The following MMP17 variants were observed in gnomAD, a reference collection of about 807,000 sequenced individuals.
MMP17 encodes matrix metalloproteinase-17.
Under a neutral mutation model 49.1 loss-of-function variants are expected in MMP17, and 54 were observed. The observed-to-expected ratio is 1.10, with a 90% CI of 0.88 to 1.38. MMP17 has a LOEUF of 1.38. Among genes scored for constraint, MMP17 ranks in the 40% most tolerant of loss-of-function variants. The pLI is 0.00. For missense variants in MMP17, 837 were observed against 853.7 expected, an observed-to-expected ratio of 0.98 and a Z score of 0.24; for synonymous variants, 397 against 383.1, an observed-to-expected ratio of 1.04 and a Z score of -0.42.
intron 4 of MMP17, among the ~76,000 whole-genome samples, chr12:131,841,270 G>A (rs112408813): frequency 5.4e-4 from 83 of 152,354 alleles, no homozygotes; most frequent in African/African-American, 1.9e-3. Context: ...GGCCCGTCTT[G>A]TGGGGCCAGG....
intron 8 of MMP17, among the ~76,000 whole-genome samples, chr12:131,849,100 C>T (rs533419384): frequency 2.6e-5 from 4 of 152,248 alleles, no homozygotes; most frequent in South Asian, 2.1e-4. Context: ...ACAGTGGGGG[C>T]GAGGGGGCGT....
At position 131,841,730 on chromosome 12, in the gene MMP17, G is replaced by A; in HGVS notation, c.813G>A (p.Gln271=). The change falls in exon 5 of 10, where the codon CAG becomes CAA. Residue 271 remains glutamine, a synonymous_variant. Coordinates refer to ENST00000360564, the MANE Select transcript of MMP17 (RefSeq NM_016155.7). ...ACTCCATCATGCGGCCGTACTACCA[G>A]GGCCCGGTGGGTGACCCGCTGCGCT... ...AAHSIMRPYY[Q]GPVGDPLRYG... The A allele has an allele frequency of 6.2e-7, 1 of 1,613,604 alleles. No individual in the cohort carries two copies. The highest frequency in any genetic ancestry group is 8.5e-7 in the Non-Finnish European group (1 of 1,179,924).
In MMP17 at chr12:131,850,995, G is replaced by T; in HGVS notation, c.1533G>T (p.Gly511=). The T allele has an allele frequency of 6.4e-7, 1 of 1,571,864 alleles. No individual in the cohort carries two copies. Residue 511 remains glycine (G), a synonymous_variant, in exon 10 of 10, where the codon GGG becomes GGT. Transcript: ENST00000360564. Reference sequence around the variant, plus strand: ...ATGGCGAGCTGGAGGTGGCACCCGGGTACCCACAGTCCACGGCCCGGGACT... The same window carrying T: ...ATGGCGAGCTGGAGGTGGCACCCGGTTACCCACAGTCCACGGCCCGGGACT... ...VLDGELEVAP[G]YPQSTARDWL...
At chr12:131,834,205 C>A (rs1886961200) in intron 1 of MMP17, among the ~76,000 whole-genome samples, 1 of 152,204 alleles carries the variant, frequency 6.6e-6, no homozygotes, top group African/African-American at 2.4e-5. Flanking sequence ...CTAGGCAGCT[C>A]CAGAAATCAG....
intron 3 of MMP17, among the ~76,000 whole-genome samples, chr12:131,839,384 C>T (rs1887265179): frequency 1.3e-5 from 2 of 152,048 alleles, no homozygotes; most frequent in East Asian, 1.9e-4. Context: ...GCAGTCACAG[C>T]TCACTGTGGC....
intron 8 of MMP17, among the ~76,000 whole-genome samples, chr12:131,849,083 G>T (rs1459780009): frequency 6.6e-6 from 1 of 152,188 alleles, no homozygotes; most frequent in South Asian, 2.1e-4. Flanking sequence ...GACTTTCCAC[G>T]TTCTTGACAG....
intron 3 of MMP17, chr12:131,840,307 G>C: frequency 2.3e-6 from 1 of 443,342 alleles, no homozygotes; most frequent in Non-Finnish European, 4.1e-6. Flanking sequence ...GGGGCTGATG[G>C]CTCCACGCGG....
chr12:131,844,315 G>T, intron 6 of MMP17: 1 of 536,586 alleles, frequency 1.9e-6, no homozygotes, highest in Non-Finnish European at 3.3e-6. Context: ...TCTCCCCCTC[G>T]TCCCTGTCAG....
In MMP17 at chr12:131,851,046, C is replaced by A; in HGVS notation, c.1584C>A (p.Ala528=). 1 of 1,609,186 alleles carries A rather than the reference C, an allele frequency of 6.2e-7. No homozygotes were observed. The highest frequency in any genetic ancestry group is 8.5e-7 in the Non-Finnish European group (1 of 1,178,246). The change falls in exon 10 of 10, where the codon GCC becomes GCA. Residue 528 remains alanine (A), a synonymous_variant. Coordinates refer to ENST00000360564, the MANE Select transcript of MMP17 (RefSeq NM_016155.7). ...RDWLVCGDSQ[A]DGSVAAGVDA... ...GGCTGGTGTGTGGAGACTCACAGGCCGATGGATCTGTGGCTGCGGGCGTGG... is the reference window on the plus strand; with the variant it reads ...GGCTGGTGTGTGGAGACTCACAGGCAGATGGATCTGTGGCTGCGGGCGTGG...
At chr12:131,838,887 G>C (rs4964928) in intron 3 of MMP17, 146 bp downstream of exon 3, 67,021 of 912,948 alleles carry the variant, frequency 0.073, 5,379 homozygotes, top group African/African-American at 0.26. Flanking sequence ...CCAGGGTGAG[G>C]AACAGGGTCT....
chr12:131,834,243 T>C (rs1294436232), intron 1 of MMP17, among the ~76,000 whole-genome samples: 2 of 152,124 alleles, frequency 1.3e-5, no homozygotes, highest in East Asian at 1.9e-4. Flanking sequence ...CTGCCGTGGG[T>C]TGGGGCTCCC....
chr12:131,840,981 G>T (rs939725521), intron 4 of MMP17, 125 bp downstream of exon 4: 3 of 1,213,470 alleles, frequency 2.5e-6, no homozygotes, highest in African/African-American at 1.5e-5. Context: ...TCCTGAGCAC[G>T]GCTGGGCATT....
chr12:131,833,582 G>A (rs1886932840), intron 1 of MMP17, among the ~76,000 whole-genome samples: 1 of 152,210 alleles, frequency 6.6e-6, no homozygotes, highest in Non-Finnish European at 1.5e-5. Context: ...TGGTTGCTGG[G>A]ACCACACCAC....
chr12:131,840,604 G>T lies in MMP17; in HGVS notation c.454G>T (p.Gly152Trp). Reference sequence around the variant, plus strand: ...GACGTTCCCACGGGACTCACCACTGGGGCACGACACGGTGCGTGCACTCAT... The same window carrying T: ...GACGTTCCCACGGGACTCACCACTGTGGCACGACACGGTGCGTGCACTCAT... ...VRTFPRDSPL[G>W]HDTVRALMYY... The change falls in exon 4 of 10, where the codon GGG becomes TGG. Residue 152 changes from glycine to tryptophan, a missense_variant. Physicochemically the swap from Gly to Trp is radical, Grantham distance 184 (BLOSUM62 -2). Coordinates refer to ENST00000360564, the MANE Select transcript of MMP17 (RefSeq NM_016155.7). 1 of 1,601,666 alleles carries T rather than the reference G, an allele frequency of 6.2e-7. No individual in the cohort carries two copies. The highest frequency in any genetic ancestry group is 8.5e-7 in the Non-Finnish European group (1 of 1,174,164).
Position 131,834,513 on chromosome 12 carries a change from TGGGGGCA to T in MMP17, c.160-3671_160-3665del, listed in dbSNP as rs943484626. On this transcript the variant is annotated intron_variant, in intron 1 of 9. Transcript: ENST00000360564. Reference sequence around the variant, plus strand: ...TGGGATCCACAGGCTCTGTAGGTACTGGGGGCAGGGGGCAGGGAGGGGGACACCTGGA... The same window carrying T: ...TGGGATCCACAGGCTCTGTAGGTACTGGGGGCAGGGAGGGGGACACCTGGA... 2.2e-4 allele frequency among the ~76,000 whole-genome samples: 34 copies of T among 151,892 alleles called. 1 individual carries two copies. Among genetic ancestry groups the T allele is most frequent in the African/African-American group, 8.0e-4 (33 of 41,354 alleles).
chr12:131,849,578 G>C (rs149649395), intron 8 of MMP17, among the ~76,000 whole-genome samples: 1 of 152,206 alleles, frequency 6.6e-6, no homozygotes, highest in Non-Finnish European at 1.5e-5. Context: ...GGCCGGCAGC[G>C]TCCACAGGCT....
rs1566078665 is a variant in MMP17, at chr12:131,828,565, C to CCGCTGCCGCT, written c.71_72insCGCTGCCGCT (p.Leu25AlafsTer45). The CCGCTGCCGCT allele has an allele frequency of 2.2e-5, 4 of 180,854 alleles. No individual in the cohort carries two copies. Among genetic ancestry groups the CCGCTGCCGCT allele is most frequent in the Non-Finnish European group, 3.0e-5 (4 of 132,646 alleles). The allele number at this position is 180,854 out of a possible 1,614,324, so 11.2% of individuals were successfully genotyped here. ...CCCGGACTCTCGCGGCTGCCGCTGC[C>CCGCTGCCGCT]GCTGCTGCTGCTGCTGGCGCTGGGG... On this transcript the variant is annotated frameshift_variant, in exon 1 of 10. Transcript: ENST00000360564.
At chr12:131,835,656 C>A (rs1347697428) in intron 1 of MMP17, among the ~76,000 whole-genome samples, 2 of 152,208 alleles carry the variant, frequency 1.3e-5, no homozygotes, top group South Asian at 4.1e-4. Flanking sequence ...CCAACCCAGG[C>A]AGCAGCTGGC....
At chr12:131,833,476 C>T (rs1241577786) in intron 1 of MMP17, among the ~76,000 whole-genome samples, 3 of 152,216 alleles carry the variant, frequency 2.0e-5, no homozygotes, top group South Asian at 2.1e-4. Context: ...AGTGTCCCTG[C>T]GGAAGAGGCT....
Sources: allele counts gnomAD v4.1 joint callset (sites outside exome capture counted in the v4.1 genomes callset), GRCh38; gene constraint gnomAD v4.1.1; transcripts MANE v1.5; gene names NCBI Gene and HGNC (gene_info 2026-07-23, HGNC 2026-07-21).